NFAT5: variants seen among roughly 807,000 people sequenced by gnomAD.
NFAT5 encodes nuclear factor of activated T cells 5.
A neutral mutation model predicts 166.5 loss-of-function variants in NFAT5; 31 were observed. The observed-to-expected ratio is 0.19, with a 90% CI of 0.14 to 0.25. The LOEUF (loss-of-function observed/expected upper bound fraction) is 0.25, where lower values mean the gene tolerates loss of function less well. Among genes scored for constraint, NFAT5 ranks in the 10% least tolerant of loss-of-function variants. NFAT5 has a pLI of 1.00. For synonymous variants in NFAT5, 612 were observed against 639.7 expected (o/e 0.96, Z 0.65); for missense variants, 1,449 against 1,821.8 (o/e 0.80, Z 3.72).
chr16:69,640,820 A>T (rs1426370389), intron 3 of NFAT5, among the ~76,000 whole-genome samples: 2 of 151,890 alleles, frequency 1.3e-5, no homozygotes, highest in Non-Finnish European at 2.9e-5. Context: ...TGTCTCTACT[A>T]AAAATACAGA....
chr16:69,587,015 A>G (rs1357670705), intron 2 of NFAT5, among the ~76,000 whole-genome samples: 1 of 152,204 alleles, frequency 6.6e-6, no homozygotes, highest in Non-Finnish European at 1.5e-5. Flanking sequence ...GATTGTATTC[A>G]TCAAAAGGCC....
Position 69,647,331 on chromosome 16 carries a change from C to T in NFAT5, c.557C>T (p.Ser186Phe). Residue 186 changes from serine to phenylalanine, a missense_variant, in exon 4 of 15, where the codon TCT becomes TTT. Coordinates refer to ENST00000349945, the MANE Select transcript of NFAT5 (RefSeq NM_138713.4). This position sits in a 1 kb window ranked among gnomAD's most constrained non-coding sequence, Gnocchi z 4.8. ...CAGGATGAGGGGTGTGGATTGGAAT[C>T]TGAGCAGAGCTGCAGTATGTGGATG... ...SCQDEGCGLE[S>F]EQSCSMWMED... 6.2e-7 allele frequency: 1 copy of T among 1,614,178 alleles called. No individual in the cohort carries two copies. The highest frequency in any genetic ancestry group is 8.5e-7 in the Non-Finnish European group (1 of 1,180,034).
At chr16:69,684,809 T>G in intron 10 of NFAT5, 78 bp from the exon 11 acceptor site, 1 of 888,326 alleles carries the variant, frequency 1.1e-6, no homozygotes, top group Non-Finnish European at 1.7e-6. Context: ...TGACAAGATA[T>G]TCTAATTAAA....
At position 69,566,386 on chromosome 16, in the gene NFAT5, TGTGGGGG is replaced by T; in HGVS notation, c.73+19_73+25del. 5.0e-6 allele frequency: 6 copies of T among 1,197,168 alleles called. No homozygotes were observed. Among genetic ancestry groups the T allele is most frequent in the Non-Finnish European group, 7.3e-6 (6 of 820,184 alleles). The allele number at this position is 1,197,168 out of a possible 1,614,324, so 74.2% of individuals were successfully genotyped here. A position where few individuals can be genotyped will look rare whatever the true frequency, so the allele number is the denominator to read the frequency against. On this transcript the variant is annotated intron_variant, in intron 1 of 14. Coordinates refer to ENST00000349945, the MANE Select transcript of NFAT5 (RefSeq NM_138713.4). The surrounding 1 kb of genome is among the most constrained non-coding windows in gnomAD (Gnocchi z 5.7). ...CCTCTACTCGCGAGGTGAGTCAGGC[TGTGGGGG>T]GTGGGGCGTGGGGGCGGGGAGACAG...
chr16:69,664,573 C>T (rs1368730442), intron 7 of NFAT5, among the ~76,000 whole-genome samples: 1 of 152,148 alleles, frequency 6.6e-6, no homozygotes, highest in African/African-American at 2.4e-5. Context: ...GTGTGAGCCA[C>T]CGCACCCGGC....
intron 2 of NFAT5, among the ~76,000 whole-genome samples, chr16:69,621,356 G>A (rs979939357): frequency 6.6e-6 from 1 of 151,920 alleles, no homozygotes; most frequent in Non-Finnish European, 1.5e-5. Context: ...ACAGAGTTGT[G>A]TAACCATTGC....
intron 2 of NFAT5, among the ~76,000 whole-genome samples, chr16:69,576,393 G>T (rs573890648): frequency 1.3e-5 from 2 of 151,920 alleles, no homozygotes; most frequent in East Asian, 3.9e-4. Context: ...AATAGTTTGT[G>T]TAGGATTCTT....
chr16:69,654,130 A>G (rs765429317), intron 5 of NFAT5, among the ~76,000 whole-genome samples: 17 of 152,194 alleles, frequency 1.1e-4, no homozygotes, highest in Non-Finnish European at 2.4e-4. Flanking sequence ...GGTATAAAGA[A>G]TATTTGTCTT....
At chr16:69,677,088 C>T in intron 9 of NFAT5, 115 bp from the exon 10 acceptor site, 2 of 918,360 alleles carry the variant, frequency 2.2e-6, no homozygotes, top group Non-Finnish European at 3.1e-6. Context: ...AAAATGCATT[C>T]TTTTTTTTTT....
At chr16:69,586,320 A>G (rs79512917) in intron 2 of NFAT5, among the ~76,000 whole-genome samples, 6,658 of 152,256 alleles carry the variant, frequency 0.044, 494 homozygotes, top group African/African-American at 0.15. Flanking sequence ...ATCAAAAACT[A>G]AATTTTGATA....
intron 5 of NFAT5, among the ~76,000 whole-genome samples, chr16:69,655,285 G>T (rs1481367876): frequency 6.6e-6 from 1 of 152,070 alleles, no homozygotes; most frequent in African/African-American, 2.4e-5. Flanking sequence ...TATGGTGGTA[G>T]GTCCTGAGCA....
At chr16:69,678,624 G>A (rs2036930364) in intron 10 of NFAT5, among the ~76,000 whole-genome samples, 1 of 152,186 alleles carries the variant, frequency 6.6e-6, no homozygotes, top group African/African-American at 2.4e-5. Flanking sequence ...TGGCAGAAAT[G>A]GGGAGAACAT....
intron 2 of NFAT5, among the ~76,000 whole-genome samples, chr16:69,621,139 A>G (rs940465994): frequency 1.3e-5 from 2 of 152,250 alleles, no homozygotes; most frequent in African/African-American, 4.8e-5. Flanking sequence ...CTTTATATAT[A>G]GAAGCTATGT....
At chr16:69,675,822 G>A (rs1295763545) in intron 9 of NFAT5, among the ~76,000 whole-genome samples, 1 of 152,002 alleles carries the variant, frequency 6.6e-6, no homozygotes, top group Non-Finnish European at 1.5e-5. Flanking sequence ...TGTATTTTTA[G>A]TAGAAACAGG....
Position 69,692,733 on chromosome 16 carries a change from T to G in NFAT5, c.2908T>G (p.Cys970Gly). Residue 970 changes from cysteine (C) to glycine (G), a missense_variant, in exon 13 of 15, where the codon TGT becomes GGT. By Grantham distance (159) the Cys-to-Gly change is radical. Transcript: ENST00000349945. ...TACCAATGAGGATATGCAAATGCAG[T>G]GTGAATTGTTTTCTTCTCCTCCTGC... The part of the protein sequence containing the change: ...LSTNEDMQMQ[C>G]ELFSSPPAVS... 6.2e-7 allele frequency: 1 copy of G among 1,614,220 alleles called. No individual in the cohort carries two copies. Among genetic ancestry groups the G allele is most frequent in the Non-Finnish European group, 8.5e-7 (1 of 1,180,038 alleles).
chr16:69,664,874 A>G (rs1567589024), intron 7 of NFAT5, among the ~76,000 whole-genome samples: 1 of 151,958 alleles, frequency 6.6e-6, no homozygotes, highest in Non-Finnish European at 1.5e-5. Context: ...CTAAAAATAC[A>G]AAGTTAGCCG....
At chr16:69,580,495 C>T (rs1597347486) in intron 2 of NFAT5, among the ~76,000 whole-genome samples, 1 of 150,486 alleles carries the variant, frequency 6.6e-6, no homozygotes, top group East Asian at 2.0e-4. Flanking sequence ...CTTGCCAGTG[C>T]ACTCTAGCCT....
At chr16:69,573,719 G>C (rs1036328263) in intron 2 of NFAT5, among the ~76,000 whole-genome samples, 1 of 151,826 alleles carries the variant, frequency 6.6e-6, no homozygotes, top group Admixed American at 6.6e-5. Context: ...AAAATAAAAG[G>C]ATATAAATTC....
At chr16:69,609,205 A>C (rs1422657893) in intron 2 of NFAT5, among the ~76,000 whole-genome samples, 1 of 152,206 alleles carries the variant, frequency 6.6e-6, no homozygotes, top group Non-Finnish European at 1.5e-5. Flanking sequence ...TCTTCAGAAA[A>C]AAATGAATTA....
Sources: gnomAD v4.1 joint callset for allele counts (sites outside exome capture counted in the v4.1 genomes callset) on GRCh38, gnomAD v4.1.1 for gene constraint, Gnocchi (gnomAD v3.1) non-coding constraint, MANE v1.5 for transcripts, NCBI Gene and HGNC (gene_info 2026-07-23, HGNC 2026-07-21) for gene names.